Variants in MMGT1 observed in about 807,000 individuals in gnomAD.
MMGT1 encodes ER membrane protein complex subunit 5.
MMGT1 carries 2 observed loss-of-function variants against 11.7 expected under a neutral mutation model. The ratio of observed to expected loss-of-function variants is 0.17; its 90% CI spans 0.07 to 0.54. MMGT1 has a LOEUF of 0.54. MMGT1 is among the 20% of genes least tolerant of loss of function. The pLI is 0.94. For missense variants in MMGT1, 74 were observed against 109.0 expected (o/e 0.68, Z 1.43); for synonymous variants, 49 against 44.4 (o/e 1.10, Z -0.41).
chrX:135,973,713 G>GGACGGCGGAGCTGTTTCTTCTTCC lies in MMGT1; in HGVS notation c.-62_-39dup. On this transcript the variant is annotated 5_prime_UTR_variant, in exon 1 of 4. Transcript: ENST00000305963. ...GCAGCAGCCCAGCAAAAGAAGCGAA[G>GGACGGCGGAGCTGTTTCTTCTTCC]GACGGCGGAGCTGTTTCTTCTTCCA... The GGACGGCGGAGCTGTTTCTTCTTCC allele has an allele frequency of 8.6e-7, 1 of 1,167,082 alleles. No homozygotes were observed. The highest frequency in any genetic ancestry group is 1.1e-6 in the Non-Finnish European group (1 of 872,980).
chrX:135,965,515 T>C (rs1393560720), intron 3 of MMGT1, among the ~76,000 whole-genome samples: 2 of 111,504 alleles, frequency 1.8e-5, no homozygotes, highest in African/African-American at 6.5e-5. Context: ...GACCCTCTCA[T>C]CTCAGCCCCC....
Position 135,971,107 on chromosome X carries a change from C to T in MMGT1, c.83G>A (p.Arg28His), listed in dbSNP as rs1219184242. The stretch of plus-strand genomic sequence containing the variant: ...TTTTTCTGTTAATCGCATATAAGAA[C>T]GATCTATAAACCAGAAGCATACCAT... ...AHAAFSAAQH[R>H]SYMRLTEKED... The change falls in exon 2 of 4, where the codon CGT (arginine) becomes CAT (histidine). Residue 28 changes from arginine to histidine, a missense_variant. Around this residue, in one of 2 missense-constraint regions of MMGT1, gnomAD observed 40 missense variants for 79.6 expected, o/e 0.50. Coordinates refer to ENST00000305963, the MANE Select transcript of MMGT1 (RefSeq NM_173470.3). The T allele has an allele frequency of 3.4e-6, 4 of 1,167,659 alleles. No homozygotes were observed. Among genetic ancestry groups the T allele is most frequent in the Non-Finnish European group, 3.5e-6 (3 of 858,871 alleles).
rs1342579493 is a variant in MMGT1 at position 135,964,776 on chromosome X, T to C, written c.*248A>G. The C allele has an allele frequency of 4.1e-6, 1 of 246,386 alleles. No homozygotes were observed. The highest frequency in any genetic ancestry group is 7.2e-6 in the Non-Finnish European group (1 of 139,678). The allele number at this position is 246,386 out of a possible 1,213,427, so 20.3% of individuals were successfully genotyped here. ...TCAAAACAGTGGCTTTTACAAAAGA[T>C]GTGGATTTGTTTTAAATGAAAAAAA... On this transcript the variant is annotated 3_prime_UTR_variant, in exon 4 of 4. Coordinates refer to ENST00000305963, the MANE Select transcript of MMGT1 (RefSeq NM_173470.3).
At position 135,973,818 on chromosome X, in the gene MMGT1, G is replaced by C. The variant is rs374043251; in HGVS notation, c.-143C>G. The C allele has an allele frequency of 3.4e-5, 40 of 1,160,908 alleles. No individual in the cohort carries two copies. The highest frequency in any genetic ancestry group is 2.7e-4 in the African/African-American group (15 of 54,670). On this transcript the variant is annotated 5_prime_UTR_variant, in exon 1 of 4. Coordinates refer to ENST00000305963, the MANE Select transcript of MMGT1 (RefSeq NM_173470.3). ...AAGTGTCTCAGTGGTGGAAAAGCCAGAGGGCTGTGAGAAAACGGAAACAGG... is the reference window on the plus strand; with the variant it reads ...AAGTGTCTCAGTGGTGGAAAAGCCACAGGGCTGTGAGAAAACGGAAACAGG...
chrX:135,971,098 A>G lies in MMGT1; in HGVS notation c.92T>C (p.Met31Thr), dbSNP rs781996510. Reference sequence around the variant, plus strand: ...TTCATCTTCTTTTTCTGTTAATCGCATATAAGAACGATCTATAAACCAGAA... The same window carrying G: ...TTCATCTTCTTTTTCTGTTAATCGCGTATAAGAACGATCTATAAACCAGAA... ...AFSAAQHRSY[M>T]RLTEKEDESL... Residue 31 changes from methionine (M) to threonine (T), a missense_variant, in exon 2 of 4, where the codon ATG (methionine) becomes ACG (threonine). By Grantham distance (81) the Met-to-Thr change is moderately conservative. Around this residue, in one of 2 missense-constraint regions of MMGT1, gnomAD observed 40 missense variants for 79.6 expected, o/e 0.50. Coordinates refer to ENST00000305963, the MANE Select transcript of MMGT1 (RefSeq NM_173470.3). The G allele has an allele frequency of 8.5e-7, 1 of 1,177,904 alleles. No homozygotes were observed. The highest frequency in any genetic ancestry group is 1.2e-6 in the Non-Finnish European group (1 of 867,259).
chrX:135,967,591 C>T, intron 2 of MMGT1, 98 bp from the exon 3 acceptor site: 1 of 427,427 alleles, frequency 2.3e-6, no homozygotes, highest in Non-Finnish European at 4.0e-6. Flanking sequence ...ACAGGTAGTC[C>T]TCTCAGGGCC....
rs1366926161 is a variant in MMGT1, at chrX:135,973,832, A to T, written c.-157T>A. 3 of 1,159,473 alleles carry T rather than the reference A, an allele frequency of 2.6e-6. No individual in the cohort carries two copies. The African/African-American group carries it at 5.5e-5, about 21-fold the overall frequency. On this transcript the variant is annotated 5_prime_UTR_variant, in exon 1 of 4. Coordinates refer to ENST00000305963, the MANE Select transcript of MMGT1 (RefSeq NM_173470.3). ...TGGAAAAGCCAGAGGGCTGTGAGAAAACGGAAACAGGAATGCCGGGAAGAA... is the reference window on the plus strand; with the variant it reads ...TGGAAAAGCCAGAGGGCTGTGAGAATACGGAAACAGGAATGCCGGGAAGAA...
At position 135,964,816 on chromosome X, in the gene MMGT1, T is replaced by A. The variant is rs782310368; in HGVS notation, c.*208A>T. On this transcript the variant is annotated 3_prime_UTR_variant, in exon 4 of 4. Coordinates refer to ENST00000305963, the MANE Select transcript of MMGT1 (RefSeq NM_173470.3). ...AATGAAAAAAAAAATAATTCCTATA[T>A]GAAATACCAAAGACTCATTTCACAT... is the stretch of plus-strand genomic sequence containing the variant. 32 of 306,761 alleles carry A rather than the reference T, an allele frequency of 1.0e-4. No homozygotes were observed. In the Admixed American group the frequency reaches 1.2e-3, roughly 11 times the overall value. The allele number at this position is 306,761 out of a possible 1,213,427, so 25.3% of individuals were successfully genotyped here.
intron 3 of MMGT1, among the ~76,000 whole-genome samples, chrX:135,965,740 A>G (rs1556611888): frequency 9.0e-6 from 1 of 111,427 alleles, no homozygotes. Context: ...TCCTTCCAGA[A>G]TGCCTATGAA....
At chrX:135,971,805 G>A (rs2089221199) in intron 1 of MMGT1, among the ~76,000 whole-genome samples, 2 of 112,126 alleles carry the variant, frequency 1.8e-5, no homozygotes, top group Non-Finnish European at 3.8e-5. Flanking sequence ...AGGGATAAAA[G>A]AAAAGGATCA....
At chrX:135,965,561 T>A (rs2089180706) in intron 3 of MMGT1, among the ~76,000 whole-genome samples, 1 of 110,881 alleles carries the variant, frequency 9.0e-6, no homozygotes, top group Admixed American at 9.6e-5. Context: ...CCACCACACA[T>A]GGCTTTCTTT....
intron 2 of MMGT1, among the ~76,000 whole-genome samples, chrX:135,969,354 A>G (rs1462184906): frequency 9.0e-6 from 1 of 111,573 alleles, no homozygotes. Flanking sequence ...TGTTTTTGAG[A>G]TGGAGTCTCG....
chrX:135,961,127 C>G lies in MMGT1; in HGVS notation c.*3897G>C, dbSNP rs2148115512. Among the ~76,000 whole-genome samples the G allele has an allele frequency of 8.9e-6, 1 of 111,821 alleles. No individual in the cohort carries two copies. Among genetic ancestry groups the G allele is most frequent in the African/African-American group, 3.2e-5 (1 of 30,849 alleles). ...TGCTAGGTACACTGTAGAATAAAAACTCATTATATGTACAAGTATATTCAC... is the reference window on the plus strand; with the variant it reads ...TGCTAGGTACACTGTAGAATAAAAAGTCATTATATGTACAAGTATATTCAC... On this transcript the variant is annotated 3_prime_UTR_variant, in exon 4 of 4. Coordinates refer to ENST00000305963, the MANE Select transcript of MMGT1 (RefSeq NM_173470.3).
chrX:135,971,755 T>G (rs1206457507), intron 1 of MMGT1, among the ~76,000 whole-genome samples: 1 of 111,741 alleles, frequency 8.9e-6, no homozygotes, highest in Non-Finnish European at 1.9e-5. Flanking sequence ...ACTAGTTAAT[T>G]ATAATTCCGC....
At chrX:135,967,646 C>T (rs1051036803) in intron 2 of MMGT1, among the ~76,000 whole-genome samples, 153 bp from the exon 3 acceptor site, 1 of 111,830 alleles carries the variant, frequency 8.9e-6, no homozygotes, top group East Asian at 2.8e-4. Flanking sequence ...GGGATTCAGA[C>T]ACAATACAAT....
chrX:135,973,591 A>T lies in MMGT1; in HGVS notation c.79+6T>A. The T allele has an allele frequency of 8.6e-7, 1 of 1,163,163 alleles. No homozygotes were observed. The highest frequency in any genetic ancestry group is 1.2e-6 in the Non-Finnish European group (1 of 869,441). ...CCGAAGCGGTCCCCGTGCCCCAGGC[A>T]CTTACGCTGCGCAGCGGAAAAGGCG... On this transcript the variant is annotated splice_donor_region_variant and intron_variant, in intron 1 of 3. Transcript: ENST00000305963.
rs1289677299 is a variant in MMGT1 at position 135,973,789 on chromosome X, C to A, written c.-114G>T. On this transcript the variant is annotated 5_prime_UTR_variant, in exon 1 of 4. Transcript: ENST00000305963. The stretch of plus-strand genomic sequence containing the variant: ...AAGATGACGTCACTGAAGTCCTGAG[C>A]GCAAAGTGTCTCAGTGGTGGAAAAG... 2 of 1,164,593 alleles carry A rather than the reference C, an allele frequency of 1.7e-6. No homozygotes were observed. The highest frequency in any genetic ancestry group is 6.5e-5 in the East Asian group (2 of 30,578).
rs1475334858 is a variant in MMGT1 at position 135,962,166 on chromosome X, G to C, written c.*2858C>G. On this transcript the variant is annotated 3_prime_UTR_variant, in exon 4 of 4. Transcript: ENST00000305963. ...ACACGTGTTTAGTTTGGTGTTACAG[G>C]CATTGATGCTCACAACAAACAACAT... is the stretch of plus-strand genomic sequence containing the variant. The C allele has an allele frequency of 1.8e-5, 2 of 111,394 alleles. No homozygotes were observed. Among genetic ancestry groups the C allele is most frequent in the Admixed American group, 9.6e-5 (1 of 10,452 alleles). The allele number at this position is 111,394 out of a possible 1,213,427, so 9.2% of individuals were successfully genotyped here. A position where few individuals can be genotyped will look rare whatever the true frequency, so the allele number is the denominator to read the frequency against.
chrX:135,964,526 G>A lies in MMGT1; in HGVS notation c.*498C>T, dbSNP rs1400778171. On this transcript the variant is annotated 3_prime_UTR_variant, in exon 4 of 4. Transcript: ENST00000305963. ...AACTGGCAAGTACTTCTGAAGCAGA[G>A]CCACTTTTTAGGGGACACAAGAAAA... 8.9e-6 allele frequency: 1 copy of A among 112,501 alleles called. No homozygotes were observed. The highest frequency in any genetic ancestry group is 1.9e-5 in the Non-Finnish European group (1 of 53,337). 9.3% of individuals were successfully genotyped at this position (112,501 alleles called of 1,213,427 possible). A position where few individuals can be genotyped will look rare whatever the true frequency, so the allele number is the denominator to read the frequency against.
Sources: allele counts gnomAD v4.1 joint callset (sites outside exome capture counted in the v4.1 genomes callset), GRCh38; gene constraint gnomAD v4.1.1; regional missense constraint gnomAD v4.1.1; transcripts MANE v1.5; gene names NCBI Gene and HGNC (gene_info 2026-07-23, HGNC 2026-07-21).